The following RP1 variants were observed in gnomAD, a reference collection of about 807,000 sequenced individuals.
RP1 encodes the protein oxygen-regulated protein 1.
In RP1, 16 loss-of-function variants were observed where a neutral mutation model predicts 14.8. That is an observed-to-expected ratio of 1.08 (90% CI 0.73 to 1.65). RP1 has a LOEUF of 1.65. Among genes scored for constraint, RP1 ranks in the 40% most tolerant of loss-of-function variants. The pLI, the probability that RP1 is intolerant of heterozygous loss-of-function variation, is 0.00. For synonymous variants in RP1, 876 were observed against 883.6 expected, an observed-to-expected ratio of 0.99 and a Z score of 0.15; for missense variants, 2,631 against 2,535.0, an observed-to-expected ratio of 1.04 and a Z score of -0.81.
Position 54,750,805 on chromosome 8 carries a change from G to A in RP1, c.2809-3998G>A, listed in dbSNP as rs150612561. Among the ~76,000 whole-genome samples, 22 of 152,244 alleles carry A rather than the reference G, an allele frequency of 1.4e-4. No individual in the cohort carries two copies. The East Asian group carries it at 4.0e-3, about 28-fold the overall frequency. On this transcript the variant is annotated intron_variant, in intron 19 of 22. Transcript: ENST00000636932. ...TGCACAACTCACCAATCAGTAAAAC[G>A]CACCAATCAGTGGTCTGTAAAACGC...
chr8:54,619,882 C>G (rs1805813872), intron 1 of RP1, among the ~76,000 whole-genome samples: 1 of 152,198 alleles, frequency 6.6e-6, no homozygotes. Flanking sequence ...CCTCCTAGAA[C>G]TTAATGTCAA....
chr8:54,754,648 C>T (rs1344675590), intron 19 of RP1, among the ~76,000 whole-genome samples: 1 of 152,136 alleles, frequency 6.6e-6, no homozygotes, highest in Non-Finnish European at 1.5e-5. Context: ...TACTTTTGCA[C>T]CAACCTACGA....
intron 24 of RP1, among the ~76,000 whole-genome samples, chr8:54,789,924 C>T (rs995413313): frequency 2.0e-5 from 3 of 152,172 alleles, no homozygotes; most frequent in African/African-American, 7.2e-5. Context: ...ACCCCAACTG[C>T]AGAGCTCAGC....
At position 54,782,687 on chromosome 8, in the gene RP1, G is replaced by C. The variant is rs141453153; in HGVS notation, c.3452-860G>C. ...TGTGGTGTGGACTCAGGGTGAGAGG[G>C]GTTCATTGCTGTGGGTTGATGATGT... On this transcript the variant is annotated intron_variant, in intron 23 of 28. Coordinates refer to the RP1 transcript ENST00000637698. Among the ~76,000 whole-genome samples, 32 of 152,058 alleles carry C rather than the reference G, an allele frequency of 2.1e-4. No homozygotes were observed. In the East Asian group the frequency reaches 6.2e-3, roughly 29 times the overall value.
chr8:54,646,727 A>T (rs1310381312), intron 3 of RP1, among the ~76,000 whole-genome samples: 1 of 152,126 alleles, frequency 6.6e-6, no homozygotes, highest in East Asian at 1.9e-4. Context: ...TTTTATTTCC[A>T]TTCTTTCACT....
At chr8:54,727,086 A>G (rs1397764457) in intron 17 of RP1, among the ~76,000 whole-genome samples, 3 of 152,078 alleles carry the variant, frequency 2.0e-5, no homozygotes, top group Non-Finnish European at 4.4e-5. Flanking sequence ...GTCTTGGGAG[A>G]CAGATAAATT....
In RP1 at chr8:54,628,579, C is replaced by T. The variant is rs775203481; in HGVS notation, c.4697C>T (p.Thr1566Ile). ...ETKMVKMMVK[T>I]METGSYSESS... The stretch of plus-strand genomic sequence containing the variant: ...AAGATGGTAAAAATGATGGTGAAAA[C>T]TATGGAAACTGGAAGTTATTCAGAG... Residue 1566 changes from threonine to isoleucine, a missense_variant, in exon 4 of 4, where the codon ACT (threonine) becomes ATT (isoleucine). Transcript: ENST00000220676. 9.9e-6 allele frequency: 16 copies of T among 1,613,798 alleles called. No homozygotes were observed. Among genetic ancestry groups the T allele is most frequent in the Admixed American group, 1.7e-5 (1 of 59,980 alleles).
chr8:54,563,524 T>TTG (rs10632655), intron 1 of RP1, among the ~76,000 whole-genome samples: 83,460 of 150,474 alleles, frequency 0.55, 24,249 homozygotes, highest in Middle Eastern at 0.66. Context: ...TTATTACTAT[T>TTG]TGTGTGTGTG....
At chr8:54,785,021 G>T (rs1473798651) in intron 24 of RP1, among the ~76,000 whole-genome samples, 2 of 151,914 alleles carry the variant, frequency 1.3e-5, no homozygotes, top group African/African-American at 4.8e-5. Flanking sequence ...ATTGTATAAT[G>T]ATCAAATCAG....
downstream of RP1, among the ~76,000 whole-genome samples, chr8:54,773,195 C>T (rs1357733671): frequency 2.6e-5 from 4 of 152,150 alleles, no homozygotes; most frequent in African/African-American, 9.7e-5. Context: ...TCACCACTCA[C>T]TTTCACCTAG....
At chr8:54,560,005 A>G (rs529890997) in intron 1 of RP1, among the ~76,000 whole-genome samples, 1 of 152,290 alleles carries the variant, frequency 6.6e-6, no homozygotes, top group East Asian at 1.9e-4. Flanking sequence ...GTAATTTTTC[A>G]TGTTGAATTA....
In RP1 at chr8:54,804,398, T is replaced by C. The variant is rs142556259; in HGVS notation, c.3615+20688T>C. On this transcript the variant is annotated intron_variant, in intron 24 of 28. Transcript: ENST00000637698. ...TTAAGGTTTGACTGCATAACCCTTG[T>C]AGGGTAGACATTCATCATTTTGCCG... is the stretch of plus-strand genomic sequence containing the variant. 1.8e-3 allele frequency among the ~76,000 whole-genome samples: 274 copies of C among 152,312 alleles called. 7 individuals are homozygous for C. In the East Asian group the frequency reaches 0.044, roughly 25 times the overall value.
chr8:54,752,072 C>T (rs1809385465), intron 19 of RP1, among the ~76,000 whole-genome samples: 2 of 152,134 alleles, frequency 1.3e-5, no homozygotes, highest in South Asian at 4.1e-4. Context: ...ACCTTGTAAT[C>T]GCTTAACATT....
chr8:54,715,529 C>T lies in RP1; in HGVS notation c.2212-4600C>T, dbSNP rs768160166. On this transcript the variant is annotated intron_variant, in intron 15 of 22. Coordinates refer to the RP1 transcript ENST00000636932. ...CAGGCACTGTTAGAGGGGACAAATA[C>T]GCATACCACATTGATCTGGAGAACA... 1.5e-4 allele frequency among the ~76,000 whole-genome samples: 23 copies of T among 152,256 alleles called. No homozygotes were observed. In the South Asian group the frequency reaches 1.9e-3, roughly 12 times the overall value.
At chr8:54,758,618 G>A (rs1356119776) in intron 21 of RP1, among the ~76,000 whole-genome samples, 1 of 152,166 alleles carries the variant, frequency 6.6e-6, no homozygotes, top group Non-Finnish European at 1.5e-5. Context: ...TCTCAGAGTA[G>A]GGGTCTAACG....
intron 24 of RP1, among the ~76,000 whole-genome samples, chr8:54,829,600 G>C (rs1054573421): frequency 2.0e-5 from 3 of 152,066 alleles, no homozygotes; most frequent in Admixed American, 2.0e-4. Flanking sequence ...AATATAAGGA[G>C]GCTCTCTGGA....
intron 1 of RP1, among the ~76,000 whole-genome samples, chr8:54,606,026 T>C (rs4625010): frequency 0.97 from 146,329 of 151,528 alleles, 70,698 homozygotes; most frequent in East Asian, 1. Flanking sequence ...TTAATTGGAG[T>C]ATTTAGCCCA....
intron 19 of RP1, among the ~76,000 whole-genome samples, chr8:54,744,824 T>C (rs1444912892): frequency 2.0e-5 from 3 of 152,226 alleles, no homozygotes; most frequent in African/African-American, 7.2e-5. Context: ...TCTTAATCAG[T>C]ATTTCCCTTT....
intron 1 of RP1, among the ~76,000 whole-genome samples, chr8:54,574,739 A>G (rs903443006): frequency 6.6e-6 from 1 of 152,214 alleles, no homozygotes; most frequent in South Asian, 2.1e-4. Flanking sequence ...TCCAGAGTTA[A>G]CTTAAAAATG....
Sources: gnomAD v4.1 joint callset for allele counts (sites outside exome capture counted in the v4.1 genomes callset) on GRCh38, gnomAD v4.1.1 for gene constraint, MANE v1.5 for transcripts, NCBI Gene and HGNC (gene_info 2026-07-23, HGNC 2026-07-21) for gene names.